The following TRUB2 variants were observed in gnomAD, a reference collection of about 807,000 sequenced individuals.
TRUB2 encodes TruB pseudouridine synthase family member 2, also known as pseudouridylate synthase TRUB2, mitochondrial.
Under a neutral mutation model 31.9 loss-of-function variants are expected in TRUB2, and 31 were observed. That is an observed-to-expected ratio of 0.97 (90% confidence interval 0.73 to 1.31). The LOEUF (loss-of-function observed/expected upper bound fraction) is 1.31, where lower values mean the gene tolerates loss of function less well. Among genes scored for constraint, TRUB2 ranks in the 50% most tolerant of loss-of-function variants. The pLI is 0.00. For missense variants in TRUB2, 451 were observed against 439.6 expected, an observed-to-expected ratio of 1.03 and a Z score of -0.23; for synonymous variants, 201 against 182.6, an observed-to-expected ratio of 1.10 and a Z score of -0.81.
At chr9:128,317,630 T>C (rs564780238) in intron 2 of TRUB2, among the ~76,000 whole-genome samples, 2 of 152,246 alleles carry the variant, frequency 1.3e-5, no homozygotes, top group South Asian at 4.1e-4. Flanking sequence ...ACTGAAAGAA[T>C]AAATGCAGGA....
chr9:128,320,295 G>A (rs941168251), intron 2 of TRUB2, among the ~76,000 whole-genome samples: 6 of 150,786 alleles, frequency 4.0e-5, no homozygotes, highest in African/African-American at 7.3e-5. Context: ...TCAACCTCCC[G>A]AGTAGCTGGA....
At chr9:128,313,708 G>T in intron 5 of TRUB2, 100 bp downstream of exon 5, 1 of 1,027,758 alleles carries the variant, frequency 9.7e-7, no homozygotes, top group Non-Finnish European at 1.5e-6. Flanking sequence ...CCTAGTGTGT[G>T]CAGTGGAACT....
At chr9:128,320,548 T>A (rs1832147471) in intron 2 of TRUB2, among the ~76,000 whole-genome samples, 1 of 151,966 alleles carries the variant, frequency 6.6e-6, no homozygotes, top group African/African-American at 2.4e-5. Flanking sequence ...GCCAGGCTGG[T>A]CTCGAACTCC....
At chr9:128,315,928 C>A (rs1043040968) in intron 3 of TRUB2, 3 of 424,250 alleles carry the variant, frequency 7.1e-6, no homozygotes, top group Admixed American at 3.4e-5. Flanking sequence ...CCTAGTCACA[C>A]AAACCTGCAC....
rs564144811 is a variant in TRUB2, at chr9:128,314,256, C to T, written c.379-367G>A. ...ACTGGCAGCCTCCAAAGGTACTGAC[C>T]GCTGACAGCCACCCTGTGGCCACCC... On this transcript the variant is annotated intron_variant, in intron 4 of 7. Transcript: ENST00000372890. Among the ~76,000 whole-genome samples the T allele has an allele frequency of 3.9e-5, 6 of 152,234 alleles. No individual in the cohort carries two copies. The East Asian group carries it at 5.8e-4, about 15-fold the overall frequency.
Position 128,309,376 on chromosome 9 carries a change from CAGA to C in TRUB2, c.*171_*173del, listed in dbSNP as rs1831921794. On this transcript the variant is annotated 3_prime_UTR_variant, in exon 8 of 8. Coordinates refer to ENST00000372890, the MANE Select transcript of TRUB2 (RefSeq NM_015679.3). ...CATGTTTACTGTCTTTTCCTCCATACAGAAGTTTTTCCTTCTCAGTTGGGTCAA... is the reference window on the plus strand; with the variant it reads ...CATGTTTACTGTCTTTTCCTCCATACAGTTTTTCCTTCTCAGTTGGGTCAA... 3 of 647,456 alleles carry C rather than the reference CAGA, an allele frequency of 4.6e-6. No individual in the cohort carries two copies. The highest frequency in any genetic ancestry group is 7.9e-6 in the Non-Finnish European group (3 of 381,268). The allele number at this position is 647,456 out of a possible 1,614,324, so 40.1% of individuals were successfully genotyped here.
intron 2 of TRUB2, among the ~76,000 whole-genome samples, chr9:128,318,138 G>C (rs1832099207): frequency 6.6e-6 from 1 of 152,154 alleles, no homozygotes; most frequent in Non-Finnish European, 1.5e-5. Context: ...GAGGTCAGGA[G>C]TTCGAGACCA....
At position 128,312,972 on chromosome 9, in the gene TRUB2, T is replaced by C. The variant is rs191583433; in HGVS notation, c.460+836A>G. ...GACTCACACCTGTAATCCCAGCACT[T>C]TGGGAGGCCGAGGTGGGCAGAATAC... is the stretch of plus-strand genomic sequence containing the variant. On this transcript the variant is annotated intron_variant, in intron 5 of 7. Transcript: ENST00000372890. Among the ~76,000 whole-genome samples the C allele has an allele frequency of 4.3e-3, 659 of 151,640 alleles. 10 individuals carry two copies. Among genetic ancestry groups the C allele is most frequent in the African/African-American group, 0.015 (630 of 41,472 alleles).
In TRUB2 at chr9:128,305,178, T is replaced by G. The variant is rs1797105362; in HGVS notation, c.*4372A>C. On this transcript the variant is annotated 3_prime_UTR_variant, in exon 8 of 8. Coordinates refer to ENST00000372890, the MANE Select transcript of TRUB2 (RefSeq NM_015679.3). ...AGTGAGTGTCGTTTTAATCCCCATTTTATAGATAGGTGACAGCTTCAGAGG... is the reference window on the plus strand; with the variant it reads ...AGTGAGTGTCGTTTTAATCCCCATTGTATAGATAGGTGACAGCTTCAGAGG... 1 of 152,150 alleles carries G rather than the reference T, an allele frequency of 6.6e-6. No individual in the cohort carries two copies. The highest frequency in any genetic ancestry group is 2.4e-5 in the African/African-American group (1 of 41,412). 9.4% of individuals were successfully genotyped at this position (152,150 alleles called of 1,614,324 possible). A position where few individuals can be genotyped will look rare whatever the true frequency, so the allele number is the denominator to read the frequency against.
chr9:128,313,275 C>T (rs1381812603), intron 5 of TRUB2, among the ~76,000 whole-genome samples: 2 of 136,324 alleles, frequency 1.5e-5, no homozygotes, highest in East Asian at 3.1e-4. Context: ...GCCTGTAATC[C>T]CAGCACTTTG....
chr9:128,322,303 T>C lies in TRUB2; in HGVS notation c.106A>G (p.Lys36Glu), dbSNP rs890183974. Residue 36 changes from lysine (K) to glutamate (E), a missense_variant, in exon 1 of 8, where the codon AAG becomes GAG. Coordinates refer to ENST00000372890, the MANE Select transcript of TRUB2 (RefSeq NM_015679.3). Reference protein sequence around the residue: ...LRDTVELQLLKGLNARKPPAP... With the variant: ...LRDTVELQLLEGLNARKPPAP... ...GGGTCTGGTTCGAGGCACTCACCCT[T>C]CAGAAGTTGTAGCTCCACTGTATCC... is the stretch of plus-strand genomic sequence containing the variant. The C allele has an allele frequency of 6.2e-7, 1 of 1,613,612 alleles. No homozygotes were observed. The highest frequency in any genetic ancestry group is 8.5e-7 in the Non-Finnish European group (1 of 1,179,700).
chr9:128,311,670 C>G (rs1029577681), intron 5 of TRUB2, 69 bp from the exon 6 acceptor site: 1 of 1,519,838 alleles, frequency 6.6e-7, no homozygotes, highest in Non-Finnish European at 9.1e-7. Flanking sequence ...ACTCCTTCCC[C>G]CCAGGCCAGC....
chr9:128,322,236 AG>A, intron 1 of TRUB2, 63 bp downstream of exon 1: 1 of 1,421,786 alleles, frequency 7.0e-7, no homozygotes, highest in Non-Finnish European at 9.9e-7. Context: ...GGTAAGGACC[AG>A]AAGCGGAGAT....
chr9:128,322,270 G>A (rs376308828), intron 1 of TRUB2, 30 bp downstream of exon 1: 3 of 1,572,908 alleles, frequency 1.9e-6, no homozygotes, highest in East Asian at 2.2e-5. Flanking sequence ...GAACGAGAGC[G>A]GGAACGTGGG....
chr9:128,310,767 G>C, intron 7 of TRUB2, 120 bp downstream of exon 7: 1 of 1,400,816 alleles, frequency 7.1e-7, no homozygotes, highest in Non-Finnish European at 9.9e-7. Flanking sequence ...GCAGAGATCA[G>C]GGCCGGCGTG....
At chr9:128,312,107 T>C (rs1384734291) in intron 5 of TRUB2, among the ~76,000 whole-genome samples, 1 of 151,094 alleles carries the variant, frequency 6.6e-6, no homozygotes, top group Non-Finnish European at 1.5e-5. Context: ...AGTGCTGAGA[T>C]TACAGGTGTG....
intron 5 of TRUB2, among the ~76,000 whole-genome samples, chr9:128,312,008 T>A (rs534242654): frequency 3.8e-4 from 57 of 151,310 alleles, no homozygotes; most frequent in Non-Finnish European, 7.1e-4. Context: ...GCTAATTTTT[T>A]AAATTTTTAG....
In TRUB2 at chr9:128,315,640, C is replaced by G. The variant is rs760083309; in HGVS notation, c.317-12G>C. The G allele has an allele frequency of 6.2e-7, 1 of 1,612,230 alleles. No individual in the cohort carries two copies. The highest frequency in any genetic ancestry group is 2.2e-5 in the East Asian group (1 of 44,788). ...TCCCACGCCGAGCACTGAAAAGCAG[C>G]CAGCGTCATCTCACACCTGGGACCC... is the stretch of plus-strand genomic sequence containing the variant. On this transcript the variant is annotated splice_polypyrimidine_tract_variant and intron_variant, in intron 3 of 7. Transcript: ENST00000372890.
rs1048672179 is a variant in TRUB2, at chr9:128,306,217, G to C, written c.*3333C>G. 1.6e-4 allele frequency: 24 copies of C among 151,994 alleles called. No individual in the cohort carries two copies. Among genetic ancestry groups the C allele is most frequent in the Admixed American group, 1.4e-3 (21 of 15,254 alleles). 9.4% of individuals were successfully genotyped at this position (151,994 alleles called of 1,614,324 possible). Reference sequence around the variant, plus strand: ...CCATGACTCAGAGTTCCCCTATCCTGCTATCCTGAGATCATGAGAGGCCAT... The same window carrying C: ...CCATGACTCAGAGTTCCCCTATCCTCCTATCCTGAGATCATGAGAGGCCAT... On this transcript the variant is annotated 3_prime_UTR_variant, in exon 8 of 8. Coordinates refer to ENST00000372890, the MANE Select transcript of TRUB2 (RefSeq NM_015679.3).
Sources: allele counts gnomAD v4.1 joint callset (sites outside exome capture counted in the v4.1 genomes callset), GRCh38; gene constraint gnomAD v4.1.1; transcripts MANE v1.5; gene names NCBI Gene and HGNC (gene_info 2026-07-23, HGNC 2026-07-21).